The following ZBTB4 variants were observed in gnomAD, a reference collection of about 807,000 sequenced individuals.
ZBTB4 encodes the protein zinc finger and BTB domain-containing protein 4.
ZBTB4 carries 14 observed loss-of-function variants against 59.8 expected under a neutral mutation model. That is an observed-to-expected ratio of 0.23 (90% CI 0.15 to 0.37). ZBTB4 has a LOEUF of 0.37. ZBTB4 is among the 10% of genes least tolerant of loss of function. The probability of loss-of-function intolerance (pLI) is 1.00; values close to 1 mark genes in which losing one functional copy is unlikely to be tolerated. For missense variants in ZBTB4, 1,198 were observed against 1,380.8 expected (o/e 0.87, Z 2.10); for synonymous variants, 587 against 575.2 (o/e 1.02, Z -0.29).
At chr17:7,463,984 C>A in intron 3 of ZBTB4, 94 bp from the exon 4 acceptor site, 1 of 1,509,710 alleles carries the variant, frequency 6.6e-7, no homozygotes, top group Non-Finnish European at 8.8e-7. Flanking sequence ...TGCACTCAAA[C>A]CTGTGACTCC....
chr17:7,478,064 G>A (rs2070293273), intron 1 of ZBTB4, among the ~76,000 whole-genome samples: 1 of 152,026 alleles, frequency 6.6e-6, no homozygotes, highest in Non-Finnish European at 1.5e-5. Context: ...ACAGACGGCA[G>A]GCACGCACAC....
rs77402887 is a variant in ZBTB4, at chr17:7,466,016, C to T, written c.786G>A (p.Thr262=). The change falls in exon 3 of 4, where the codon ACG becomes ACA. Residue 262 remains threonine (T), a synonymous_variant. Coordinates refer to ENST00000380599, the MANE Select transcript of ZBTB4 (RefSeq NM_001128833.2). The surrounding 1 kb of genome is among the most constrained non-coding windows in gnomAD (Gnocchi z 9.1). ...HEAQCRRGAS[T]RGSTGLGAGG... is the part of the protein sequence containing the mutation. ...CAGCTCCCAGCCCTGTAGACCCCCG[C>T]GTGCTGGCCCCTCGTCGGCACTGGG... The T allele has an allele frequency of 2.6e-5, 41 of 1,607,626 alleles. No individual in the cohort carries two copies. The highest frequency in any genetic ancestry group is 1.7e-4 in the Middle Eastern group (1 of 6,056).
At chr17:7,464,630 G>A (rs1167165387) in intron 3 of ZBTB4, among the ~76,000 whole-genome samples, 3 of 151,546 alleles carry the variant, frequency 2.0e-5, no homozygotes, top group Non-Finnish European at 4.4e-5. Context: ...CTGAGGTCAG[G>A]AGTTCAAGAA....
At chr17:7,483,862 C>A (rs2070378774), upstream of ZBTB4, 1 of 152,366 alleles carries the variant, frequency 6.6e-6, no homozygotes, top group Admixed American at 6.5e-5. Flanking sequence ...TCTCCGGGGG[C>A]CGTTTGACAA....
Position 7,459,658 on chromosome 17 carries a change from A to G in ZBTB4, c.*2282T>C, listed in dbSNP as rs1250010488. The G allele has an allele frequency of 6.6e-6, 1 of 152,328 alleles. No individual in the cohort carries two copies. The highest frequency in any genetic ancestry group is 1.5e-5 in the Non-Finnish European group (1 of 68,034). The allele number at this position is 152,328 out of a possible 1,614,324, so 9.4% of individuals were successfully genotyped here. A position where few individuals can be genotyped will look rare whatever the true frequency, so the allele number is the denominator to read the frequency against. ...CCCAAATTTCCAACATCTGAAACTC[A>G]CAATATTCAAATTCCCCAGCTCAAA... On this transcript the variant is annotated 3_prime_UTR_variant, in exon 4 of 4. Transcript: ENST00000380599.
Position 7,462,523 on chromosome 17 carries a change from TG to T in ZBTB4, c.2458del (p.Gln820LysfsTer41). ...GCTGGATGAGGAGACTTGCATCTCT[TG>T]GGGGGCTTCCTCCTTGACATCCCCG... ...RPGDVKEEAP[Q>X]EMQVSSSSGE... is the part of the protein sequence containing the mutation. On this transcript the variant is annotated frameshift_variant, in exon 4 of 4. Coordinates refer to ENST00000380599, the MANE Select transcript of ZBTB4 (RefSeq NM_001128833.2). LOFTEE classifies it high-confidence loss of function. This position sits in a 1 kb window ranked among gnomAD's most constrained non-coding sequence, Gnocchi z 7.5. 1 of 1,613,946 alleles carries T rather than the reference TG, an allele frequency of 6.2e-7. No homozygotes were observed. Among genetic ancestry groups the T allele is most frequent in the Non-Finnish European group, 8.5e-7 (1 of 1,179,986 alleles).
Position 7,463,987 on chromosome 17 carries a change from G to A in ZBTB4, c.1092-97C>T, listed in dbSNP as rs1023593476. 9 of 1,507,972 alleles carry A rather than the reference G, an allele frequency of 6.0e-6. No homozygotes were observed. The African/African-American group carries it at 1.3e-4, about 21-fold the overall frequency. The allele number at this position is 1,507,972 out of a possible 1,614,324, so 93.4% of individuals were successfully genotyped here. On this transcript the variant is annotated intron_variant, in intron 3 of 3. Transcript: ENST00000380599. ...CCTCCTACACCCTGCACTCAAACCT[G>A]TGACTCCCGTAGCCTTGTGCTGCCT...
At chr17:7,471,051 C>T (rs1454934986) in intron 1 of ZBTB4, among the ~76,000 whole-genome samples, 5 of 152,176 alleles carry the variant, frequency 3.3e-5, no homozygotes, top group Non-Finnish European at 7.3e-5. Flanking sequence ...CATGTGTGAC[C>T]GTGTGCTGAC....
In ZBTB4 at chr17:7,463,526, C is replaced by T. The variant is rs1248808355; in HGVS notation, c.1456G>A (p.Gly486Ser). The T allele has an allele frequency of 1.9e-6, 3 of 1,576,816 alleles. No homozygotes were observed. The highest frequency in any genetic ancestry group is 1.8e-5 in the Admixed American group (1 of 54,842). Residue 486 changes from glycine (G) to serine (S), a missense_variant, in exon 4 of 4, where the codon GGC (glycine) becomes AGC (serine). Gly to Ser is a moderately conservative substitution (Grantham distance 56). Transcript: ENST00000380599. ...CTCCCCCCTCCACCACTGCTACTGCCCCCATGGACAATGACAGAGGGGGCT... is the reference window on the plus strand; with the variant it reads ...CTCCCCCCTCCACCACTGCTACTGCTCCCATGGACAATGACAGAGGGGGCT... ...HPAPSVIVHG[G>S]SSSGGGGSGT...
chr17:7,474,164 G>A (rs982888679), intron 1 of ZBTB4, among the ~76,000 whole-genome samples: 1 of 147,078 alleles, frequency 6.8e-6, no homozygotes, highest in Non-Finnish European at 1.5e-5. Flanking sequence ...TGATCCACCC[G>A]CCTTGGCCTC....
intron 1 of ZBTB4, among the ~76,000 whole-genome samples, chr17:7,470,742 T>TAGC (rs2150859486): frequency 6.6e-6 from 1 of 152,232 alleles, no homozygotes; most frequent in East Asian, 1.9e-4. Flanking sequence ...CAATGCTAGG[T>TAGC]AGCTGGCCCA....
rs763008468 is a variant in ZBTB4, at chr17:7,462,928, C to G, written c.2054G>C (p.Gly685Ala). The change falls in exon 4 of 4, where the codon GGG (glycine) becomes GCG (alanine). Residue 685 changes from glycine (G) to alanine (A), a missense_variant. By Grantham distance (60) the Gly-to-Ala change is moderately conservative. Transcript: ENST00000380599. The surrounding 1 kb of genome is among the most constrained non-coding windows in gnomAD (Gnocchi z 7.5). ...KAGAAGGASVGGSGLPRGRRP... is the reference protein window; with the variant it reads ...KAGAAGGASVAGSGLPRGRRP... ...GCGGCCTCGGGGCAGCCCACTGCCCCCCACACTGGCACCTCCAGCAGCTCC... is the reference window on the plus strand; with the variant it reads ...GCGGCCTCGGGGCAGCCCACTGCCCGCCACACTGGCACCTCCAGCAGCTCC... 9 of 1,609,232 alleles carry G rather than the reference C, an allele frequency of 5.6e-6. No homozygotes were observed. The East Asian group carries it at 2.0e-4, about 36-fold the overall frequency.
rs2070124448 is a variant in ZBTB4, at chr17:7,466,408, G to A, written c.394C>T (p.Pro132Ser). ...AGGACATCAGAAAACGCAGCTGCTG[G>A]GACTCCTGGCAACTCCAGGACCCGG... is the stretch of plus-strand genomic sequence containing the variant. ...PPRVLELPGV[P>S]AAAFSDVLNF... is the part of the protein sequence containing the mutation. The change falls in exon 3 of 4, where the codon CCA becomes TCA. Residue 132 changes from proline to serine, a missense_variant. This residue lies in a region of ZBTB4 where 31 missense variants were observed against 67.6 expected (regional missense o/e 0.46). Transcript: ENST00000380599. The surrounding 1 kb of genome is among the most constrained non-coding windows in gnomAD (Gnocchi z 9.1). 6.2e-7 allele frequency: 1 copy of A among 1,613,810 alleles called. No homozygotes were observed. Among genetic ancestry groups the A allele is most frequent in the African/African-American group, 1.3e-5 (1 of 74,898 alleles).
At chr17:7,480,784 G>A (rs1008454897), upstream of ZBTB4, among the ~76,000 whole-genome samples, 8 of 151,990 alleles carry the variant, frequency 5.3e-5, no homozygotes, top group African/African-American at 1.9e-4. Flanking sequence ...ACAAATTAAT[G>A]TAAAGCCACA....
upstream of ZBTB4, among the ~76,000 whole-genome samples, chr17:7,483,653 C>A (rs1044783372): frequency 4.6e-5 from 7 of 152,164 alleles, no homozygotes; most frequent in African/African-American, 1.7e-4. Context: ...GACCCCAAAT[C>A]CCCCAGGACT....
chr17:7,472,153 G>T (rs927220345), intron 1 of ZBTB4, among the ~76,000 whole-genome samples: 3 of 151,168 alleles, frequency 2.0e-5, no homozygotes, highest in Non-Finnish European at 4.4e-5. Context: ...CCTATCTCCC[G>T]ACCCTACTTT....
upstream of ZBTB4, chr17:7,483,136 T>G: frequency 3.4e-6 from 5 of 1,465,986 alleles, no homozygotes; most frequent in Non-Finnish European, 4.6e-6. Flanking sequence ...CAAGGGTGAC[T>G]TGGGGACTTG....
Position 7,463,496 on chromosome 17 carries a change from TC to T in ZBTB4, c.1485del (p.Thr496ArgfsTer73). On this transcript the variant is annotated frameshift_variant, in exon 4 of 4. Coordinates refer to ENST00000380599, the MANE Select transcript of ZBTB4 (RefSeq NM_001128833.2). LOFTEE classifies it high-confidence loss of function. ...GGSSSGGGGS[G>X]TASTGGSQAA... ...GCTTGGGACCCTCCTGTGCTGGCCG[TC>T]CCACTCCCCCCTCCACCACTGCTAC... The T allele has an allele frequency of 6.5e-7, 1 of 1,549,426 alleles. No homozygotes were observed. The highest frequency in any genetic ancestry group is 2.3e-5 in the East Asian group (1 of 43,572).
chr17:7,462,787 G>A lies in ZBTB4; in HGVS notation c.2195C>T (p.Ala732Val). Residue 732 changes from alanine (A) to valine (V), a missense_variant, in exon 4 of 4, where the codon GCC becomes GTC. Ala to Val is a moderately conservative substitution (Grantham distance 64, BLOSUM62 0). Coordinates refer to ENST00000380599, the MANE Select transcript of ZBTB4 (RefSeq NM_001128833.2). This position sits in a 1 kb window ranked among gnomAD's most constrained non-coding sequence, Gnocchi z 7.5. The part of the protein sequence containing the change: ...TERRHRCGDC[A>V]QTFTTLRKLR... The stretch of plus-strand genomic sequence containing the variant: ...CTTTCTCAGGGTGGTGAAGGTCTGG[G>A]CACAGTCCCCGCATCGGTGCCTCCG... The A allele has an allele frequency of 1.2e-6, 2 of 1,602,436 alleles. No homozygotes were observed.
Sources: gnomAD v4.1 joint callset for allele counts (sites outside exome capture counted in the v4.1 genomes callset) on GRCh38, gnomAD v4.1.1 for gene constraint, gnomAD v4.1.1 regional missense constraint, Gnocchi (gnomAD v3.1) non-coding constraint, MANE v1.5 for transcripts, NCBI Gene and HGNC (gene_info 2026-07-23, HGNC 2026-07-21) for gene names.